Variants in NPAS3 observed in about 807,000 individuals in gnomAD.
The protein encoded by NPAS3 is neuronal PAS domain protein 3.
A neutral mutation model predicts 73.1 loss-of-function variants in NPAS3; 14 were observed. The observed-to-expected ratio is 0.19, with a 90% confidence interval of 0.13 to 0.30. NPAS3 has a LOEUF of 0.30. NPAS3 is among the 10% of genes least tolerant of loss of function. The pLI is 1.00. For missense variants in NPAS3, 1,096 were observed against 1,250.0 expected (o/e 0.88, Z 1.86); for synonymous variants, 620 against 541.5 (o/e 1.14, Z -2.01).
intron 3 of NPAS3, among the ~76,000 whole-genome samples, chr14:33,235,805 CTTTT>C (rs35968798): frequency 3.7e-5 from 3 of 80,630 alleles, no homozygotes; most frequent in Admixed American, 1.9e-4. Flanking sequence ...TGATACAATT[CTTTT>C]TTTTTTTTTT....
At chr14:33,070,775 G>T (rs1323153128) in intron 2 of NPAS3, among the ~76,000 whole-genome samples, 2 of 152,176 alleles carry the variant, frequency 1.3e-5, no homozygotes, top group African/African-American at 2.4e-5. Flanking sequence ...ACAAAATGCT[G>T]ACTGTTTAGC....
intron 3 of NPAS3, among the ~76,000 whole-genome samples, chr14:33,339,111 G>A (rs778309642): frequency 4.6e-5 from 7 of 152,200 alleles, no homozygotes; most frequent in East Asian, 3.9e-4. Flanking sequence ...AATTAACCCC[G>A]TAATTAATGT....
intron 2 of NPAS3, among the ~76,000 whole-genome samples, chr14:33,078,090 G>T (rs1595391273): frequency 2.0e-5 from 3 of 151,822 alleles, no homozygotes; most frequent in African/African-American, 7.3e-5. Flanking sequence ...AGTAAGCTGA[G>T]ATCGCGCCAC....
At chr14:33,601,777 T>A (rs1423867759) in intron 5 of NPAS3, among the ~76,000 whole-genome samples, 1 of 152,218 alleles carries the variant, frequency 6.6e-6, no homozygotes, top group African/African-American at 2.4e-5. Flanking sequence ...ATTATCAATG[T>A]CTTTTAGCGG....
At chr14:33,504,970 G>A (rs2052689068) in intron 4 of NPAS3, among the ~76,000 whole-genome samples, 1 of 151,952 alleles carries the variant, frequency 6.6e-6, no homozygotes, top group South Asian at 2.1e-4. Context: ...GAGAACATAT[G>A]GAAAGACCGG....
At chr14:33,139,924 A>G (rs960215097) in intron 2 of NPAS3, among the ~76,000 whole-genome samples, 3 of 145,166 alleles carry the variant, frequency 2.1e-5, no homozygotes, top group Non-Finnish European at 4.5e-5. Context: ...TTCCAGTCCT[A>G]TAATATTCTG....
At chr14:33,093,138 G>C (rs1435909371) in intron 2 of NPAS3, among the ~76,000 whole-genome samples, 1 of 152,182 alleles carries the variant, frequency 6.6e-6, no homozygotes, top group African/African-American at 2.4e-5. Flanking sequence ...TTAAACTAAA[G>C]AGCTTCTGCA....
chr14:33,134,008 A>G (rs992072187), intron 2 of NPAS3, among the ~76,000 whole-genome samples: 2 of 152,220 alleles, frequency 1.3e-5, no homozygotes, highest in Non-Finnish European at 2.9e-5. Flanking sequence ...GGGCTAGCAC[A>G]TGGTAAAGTT....
chr14:33,667,407 TCACCAC>T (rs1203625147), intron 5 of NPAS3, among the ~76,000 whole-genome samples: 1 of 152,170 alleles, frequency 6.6e-6, no homozygotes, highest in Non-Finnish European at 1.5e-5. Context: ...GTTTGCTCCC[TCACCAC>T]CACCACAGTC....
chr14:33,300,856 C>G (rs142175561), intron 3 of NPAS3, among the ~76,000 whole-genome samples: 2 of 152,246 alleles, frequency 1.3e-5, no homozygotes, highest in East Asian at 3.9e-4. Context: ...CCCCTCTAAG[C>G]TGCCCTGGCT....
chr14:33,729,309 A>G (rs1412969644), intron 6 of NPAS3, among the ~76,000 whole-genome samples: 2 of 152,224 alleles, frequency 1.3e-5, no homozygotes, highest in Non-Finnish European at 2.9e-5. Flanking sequence ...ATCCATGAAC[A>G]TGATCGTCAC....
chr14:33,545,476 T>C (rs1166488915), intron 4 of NPAS3, among the ~76,000 whole-genome samples: 8 of 152,190 alleles, frequency 5.3e-5, no homozygotes, highest in African/African-American at 1.9e-4. Flanking sequence ...TATATAGATG[T>C]TGTTCTTTAC....
At chr14:33,435,205 A>G (rs1249076149) in intron 4 of NPAS3, among the ~76,000 whole-genome samples, 1 of 152,230 alleles carries the variant, frequency 6.6e-6, no homozygotes, top group Admixed American at 6.5e-5. Flanking sequence ...TAAGTGGATC[A>G]GGTGGAAAAT....
rs575685113 is a variant in NPAS3, at chr14:33,126,978, C to T, written c.140+70984C>T. 2.0e-5 allele frequency among the ~76,000 whole-genome samples: 3 copies of T among 152,072 alleles called. No homozygotes were observed. In the South Asian group the frequency reaches 6.2e-4, roughly 32 times the overall value. ...TCACTTCACCGCTCAATTTAAAAAA[C>T]TAGAACTGTAGTAGTATTATTGAAG... On this transcript the variant is annotated intron_variant, in intron 2 of 11. Coordinates refer to ENST00000356141, the Ensembl canonical transcript of NPAS3.
At chr14:33,761,232 G>T (rs985686794) in intron 7 of NPAS3, among the ~76,000 whole-genome samples, 29 of 151,562 alleles carry the variant, frequency 1.9e-4, no homozygotes, top group Admixed American at 1.7e-3. Context: ...ATCCTTCAAA[G>T]GTTGAAAGTC....
chr14:33,800,485 C>T lies in NPAS3; in HGVS notation c.2178C>T (p.Ala726=). 1 of 1,478,496 alleles carries T rather than the reference C, an allele frequency of 6.8e-7. No individual in the cohort carries two copies. The highest frequency in any genetic ancestry group is 8.9e-7 in the Non-Finnish European group (1 of 1,121,124). The allele number at this position is 1,478,496 out of a possible 1,614,324, so 91.6% of individuals were successfully genotyped here. The change falls in exon 12 of 12, where the codon GCC becomes GCT. Residue 726 remains alanine, a synonymous_variant. Transcript: ENST00000356141. This position sits in a 1 kb window ranked among gnomAD's most constrained non-coding sequence, Gnocchi z 6.5. ...CGCCCGGCGCCGACGGCGCGGCCGCCCGCAAGACTCAGTTCGGCGCCTCGG... is the reference window on the plus strand; with the variant it reads ...CGCCCGGCGCCGACGGCGCGGCCGCTCGCAAGACTCAGTTCGGCGCCTCGG...
intron 3 of NPAS3, among the ~76,000 whole-genome samples, chr14:33,362,926 C>T (rs1301312569): frequency 6.6e-6 from 1 of 152,116 alleles, no homozygotes; most frequent in African/African-American, 2.4e-5. Context: ...CAAGTGATCC[C>T]TCCAATAGCA....
At chr14:33,706,244 CAT>C (rs987629739) in intron 6 of NPAS3, among the ~76,000 whole-genome samples, 1 of 152,178 alleles carries the variant, frequency 6.6e-6, no homozygotes, top group Non-Finnish European at 1.5e-5. Context: ...CCAGAAATTC[CAT>C]ACACAGCAAA....
chr14:33,732,230 C>T (rs1330733961), intron 6 of NPAS3, among the ~76,000 whole-genome samples: 2 of 152,172 alleles, frequency 1.3e-5, no homozygotes, highest in Non-Finnish European at 2.9e-5. Flanking sequence ...CACGCATGTG[C>T]ACGCACACAC....
Sources: gnomAD v4.1 joint callset for allele counts (sites outside exome capture counted in the v4.1 genomes callset) on GRCh38, gnomAD v4.1.1 for gene constraint, Gnocchi (gnomAD v3.1) non-coding constraint, MANE v1.5 for transcripts, NCBI Gene and HGNC (gene_info 2026-07-23, HGNC 2026-07-21) for gene names.